Variants in MYO15A observed in about 807,000 individuals in gnomAD.
The protein encoded by MYO15A is myosin XVA.
In MYO15A, 308 loss-of-function variants were observed where a neutral mutation model predicts 394.6. The ratio of observed to expected loss-of-function variants is 0.78; its 90% CI spans 0.71 to 0.86. The LOEUF is 0.86. Ranked by LOEUF, MYO15A falls within the 40% of genes least tolerant of loss-of-function variation. MYO15A has a pLI of 0.00. For missense variants in MYO15A, 4,606 were observed against 4,799.1 expected, an observed-to-expected ratio of 0.96 and a Z score of 1.19; for synonymous variants, 1,957 against 2,003.8, an observed-to-expected ratio of 0.98 and a Z score of 0.62.
Position 18,179,276 on chromosome 17 carries a change from C to T in MYO15A, c.*406C>T, listed in dbSNP as rs2047057483. On this transcript the variant is annotated 3_prime_UTR_variant, in exon 66 of 66. Transcript: ENST00000647165. Reference sequence around the variant, plus strand: ...TCAGGGTCTGATGTTGGAATCTGCTCCAACTCCACACCCTAGCCCTTACAT... The same window carrying T: ...TCAGGGTCTGATGTTGGAATCTGCTTCAACTCCACACCCTAGCCCTTACAT... 1 of 331,926 alleles carries T rather than the reference C, an allele frequency of 3.0e-6. No individual in the cohort carries two copies. The highest frequency in any genetic ancestry group is 2.7e-5 in the South Asian group (1 of 37,070). The allele number at this position is 331,926 out of a possible 1,614,324, so 20.6% of individuals were successfully genotyped here.
rs769609152 is a variant in MYO15A, at chr17:18,118,863, G to A, written c.63G>A (p.Pro21=). ...AAGGGAAGAAGGGGAAGAAGGCACC[G>A]GAGCCGGAGAAGCCCAAACGGAGCC... is the stretch of plus-strand genomic sequence containing the variant. The part of the protein sequence containing the change: ...AKKGKKGKKA[P]EPEKPKRSLK... Residue 21 remains proline, a synonymous_variant, in exon 2 of 66, where the codon CCG becomes CCA. Transcript: ENST00000647165. The A allele has an allele frequency of 6.2e-6, 10 of 1,613,060 alleles. No homozygotes were observed. Among genetic ancestry groups the A allele is most frequent in the Non-Finnish European group, 8.5e-6 (10 of 1,179,584 alleles).
At position 18,132,356 on chromosome 17, in the gene MYO15A, G is replaced by C. The variant is rs1318279620; in HGVS notation, c.4207-97G>C. On this transcript the variant is annotated intron_variant, in intron 10 of 65. Transcript: ENST00000647165. The surrounding 1 kb of genome is among the most constrained non-coding windows in gnomAD (Gnocchi z 4.6). ...TGTTCTCATCTGCAGCCCACTGTGT[G>C]CATGTGCACTTGTGGGCAGGCTTGG... 1.1e-6 allele frequency: 1 copy of C among 921,684 alleles called. No individual in the cohort carries two copies. Among genetic ancestry groups the C allele is most frequent in the African/African-American group, 1.6e-5 (1 of 61,774 alleles). The allele number at this position is 921,684 out of a possible 1,614,324, so 57.1% of individuals were successfully genotyped here.
intron 23 of MYO15A, 47 bp from the exon 24 acceptor site, chr17:18,142,032 C>T (rs1192066445): frequency 1.2e-6 from 2 of 1,605,070 alleles, no homozygotes; most frequent in South Asian, 2.2e-5. Flanking sequence ...GCCCTTAGTC[C>T]AGCCTCCTGG....
At position 18,150,858 on chromosome 17, in the gene MYO15A, C is replaced by T; in HGVS notation, c.7418C>T (p.Ala2473Val). 6.3e-7 allele frequency: 1 copy of T among 1,596,236 alleles called. No homozygotes were observed. Residue 2473 changes from alanine (A) to valine (V), a missense_variant, in exon 38 of 66, where the codon GCC becomes GTC. Physicochemically the swap from Ala to Val is moderately conservative, Grantham distance 64. This residue lies in a region of MYO15A where 2,776 missense variants were observed against 3,109.3 expected (regional missense o/e 0.89). Coordinates refer to ENST00000647165, the MANE Select transcript of MYO15A (RefSeq NM_016239.4). The surrounding 1 kb of genome is among the most constrained non-coding windows in gnomAD (Gnocchi z 4.4). ...CAGGCCCGGGAGATGACCCTGCAGG[C>T]CACGGCACTCCAGCAGCAGCCCCTG... The part of the protein sequence containing the change: ...VLLAREMTLQ[A>V]TALQQQPLSA...
chr17:18,129,628 C>G (rs2046115415), intron 7 of MYO15A, among the ~76,000 whole-genome samples: 1 of 152,340 alleles, frequency 6.6e-6, no homozygotes, highest in African/African-American at 2.4e-5. Flanking sequence ...GCCACGTACA[C>G]ACTAGGCCCA....
At chr17:18,118,457 C>A (rs2045823414) in intron 1 of MYO15A, 125 bp from the exon 2 acceptor site, 2 of 348,878 alleles carry the variant, frequency 5.7e-6, no homozygotes, top group Non-Finnish European at 1.1e-5. Flanking sequence ...GAGGGCCTAA[C>A]CAGGATGAGC....
intron 62 of MYO15A, among the ~76,000 whole-genome samples, chr17:18,170,128 T>C (rs1227184677): frequency 6.6e-6 from 1 of 152,074 alleles, no homozygotes; most frequent in Non-Finnish European, 1.5e-5. Context: ...TCACATGTTA[T>C]ACAGCCTCTG....
intron 42 of MYO15A, among the ~76,000 whole-genome samples, chr17:18,152,617 G>A (rs1309757412): frequency 1.7e-5 from 1 of 59,464 alleles, no homozygotes; most frequent in Non-Finnish European, 3.3e-5. Context: ...TCCTGCCCCT[G>A]ATAAAAAACC....
intron 23 of MYO15A, 36 bp from the exon 24 acceptor site, chr17:18,142,043 C>G (rs1424382117): frequency 4.4e-6 from 7 of 1,608,902 alleles, no homozygotes; most frequent in Non-Finnish European, 5.9e-6. Flanking sequence ...AGCCTCCTGG[C>G]TCCTATCTGC....
chr17:18,155,340 C>T lies in MYO15A; in HGVS notation c.8367C>T (p.Leu2789=), dbSNP rs2142382006. 1 of 1,613,832 alleles carries T rather than the reference C, an allele frequency of 6.2e-7. No individual in the cohort carries two copies. The highest frequency in any genetic ancestry group is 8.5e-7 in the Non-Finnish European group (1 of 1,180,044). Residue 2789 remains leucine (L), a synonymous_variant, in exon 47 of 66, where the codon CTC becomes CTT. Coordinates refer to ENST00000647165, the MANE Select transcript of MYO15A (RefSeq NM_016239.4). ...GCAGCGTGGGCACTGGTGTGCAGCT[C>T]CTAGCTGTGTCCCACGTGGGCATCA... ...ATGSVGTGVQ[L]LAVSHVGIKL...
intron 33 of MYO15A, 73 bp from the exon 34 acceptor site, chr17:18,149,143 G>A: frequency 1.3e-6 from 2 of 1,586,288 alleles, no homozygotes; most frequent in Middle Eastern, 1.7e-4. Context: ...TGAATACCAG[G>A]GTGCAGAAGA....
chr17:18,126,918 C>A (rs1339840246), intron 6 of MYO15A, 53 bp downstream of exon 6: 6 of 1,607,410 alleles, frequency 3.7e-6, no homozygotes, highest in East Asian at 2.2e-5. Context: ...AGGTAGCAGG[C>A]CTGCATCTGG....
rs1239848866 is a variant in MYO15A, at chr17:18,172,369, C to G, written c.10350+79C>G. The G allele has an allele frequency of 2.5e-6, 4 of 1,600,280 alleles. No individual in the cohort carries two copies. The African/African-American group carries it at 5.4e-5, about 21-fold the overall frequency. On this transcript the variant is annotated intron_variant, in intron 64 of 65. Coordinates refer to ENST00000647165, the MANE Select transcript of MYO15A (RefSeq NM_016239.4). ...AACCCCCTCCAAGAGGCCAAGACCTCCAGCCGCCGAAGCCCAGTTCCACTG... is the reference window on the plus strand; with the variant it reads ...AACCCCCTCCAAGAGGCCAAGACCTGCAGCCGCCGAAGCCCAGTTCCACTG...
chr17:18,126,506 C>A, intron 5 of MYO15A, 50 bp downstream of exon 5: 1 of 1,549,362 alleles, frequency 6.5e-7, no homozygotes, highest in East Asian at 2.3e-5. Flanking sequence ...CCCTCTTTCC[C>A]CTGCTCTGGG....
In MYO15A at chr17:18,148,782, CG is replaced by C; in HGVS notation, c.6788del (p.Gly2263AlafsTer6). The C allele has an allele frequency of 6.2e-7, 1 of 1,601,192 alleles. No individual in the cohort carries two copies. Among genetic ancestry groups the C allele is most frequent in the Non-Finnish European group, 8.5e-7 (1 of 1,173,612 alleles). On this transcript the variant is annotated frameshift_variant, in exon 33 of 66. Transcript: ENST00000647165. LOFTEE classifies it high-confidence loss of function. The surrounding 1 kb of genome is among the most constrained non-coding windows in gnomAD (Gnocchi z 4.8). Reference protein sequence around the residue: ...RHRGLADGWRGWTVAMKNGVQ... With the variant: ...RHRGLADGWRXWTVAMKNGVQ... ...CCAGGGGGCTGGCAGATGGCTGGCG[CG>C]GCTGGACCGTGGCCATGAAGAATGG... is the stretch of plus-strand genomic sequence containing the variant.
chr17:18,127,049 C>A (rs781355804), intron 6 of MYO15A, 26 bp from the exon 7 acceptor site: 18 of 1,613,662 alleles, frequency 1.1e-5, no homozygotes, highest in Non-Finnish European at 1.5e-5. Context: ...AAGGTTGGAG[C>A]TCACTCTGCC....
At chr17:18,166,873 G>A (rs1440456169) in intron 61 of MYO15A, among the ~76,000 whole-genome samples, 2 of 152,110 alleles carry the variant, frequency 1.3e-5, no homozygotes, top group African/African-American at 2.4e-5. Context: ...TGCTCCAAGT[G>A]CTAAGCCAGG....
chr17:18,161,616 G>A (rs755857413), intron 57 of MYO15A, among the ~76,000 whole-genome samples, 169 bp downstream of exon 57: 13 of 152,222 alleles, frequency 8.5e-5, no homozygotes, highest in Non-Finnish European at 1.8e-4. Context: ...CACAGGGGCT[G>A]GCGTGGTGGT....
At chr17:18,167,746 C>T (rs1408622393) in intron 62 of MYO15A, 23 bp downstream of exon 62, 3 of 1,601,282 alleles carry the variant, frequency 1.9e-6, no homozygotes, top group East Asian at 4.5e-5. Flanking sequence ...CCTCCTGCCT[C>T]AGCTGGGGTG....
Sources: gnomAD v4.1 joint callset for allele counts (sites outside exome capture counted in the v4.1 genomes callset) on GRCh38, gnomAD v4.1.1 for gene constraint, gnomAD v4.1.1 regional missense constraint, Gnocchi (gnomAD v3.1) non-coding constraint, MANE v1.5 for transcripts, NCBI Gene and HGNC (gene_info 2026-07-23, HGNC 2026-07-21) for gene names.